The following SPTY2D1 variants were observed in gnomAD, a reference collection of about 807,000 sequenced individuals.
The protein encoded by SPTY2D1 is SPT2 chromatin protein domain containing 1, also known as protein SPT2 homolog.
In SPTY2D1, 21 loss-of-function variants were observed where a neutral mutation model predicts 64.0. That is an observed-to-expected ratio of 0.33 (90% CI 0.23 to 0.47). SPTY2D1 has a LOEUF of 0.47. SPTY2D1 is among the 20% of genes least tolerant of loss of function. The pLI, the probability that SPTY2D1 is intolerant of heterozygous loss-of-function variation, is 1.00. For missense variants in SPTY2D1, 724 were observed against 837.2 expected (o/e 0.86, Z 1.67); for synonymous variants, 287 against 286.8 (o/e 1.00, Z -0.01).
chr11:18,625,388 A>C (rs536191797), intron 1 of SPTY2D1, among the ~76,000 whole-genome samples: 8 of 152,214 alleles, frequency 5.3e-5, no homozygotes, highest in Non-Finnish European at 1.2e-4. Context: ...ATAAAATGTA[A>C]TAATATCAGA....
chr11:18,617,221 A>G (rs1854313268), intron 1 of SPTY2D1, among the ~76,000 whole-genome samples: 1 of 152,202 alleles, frequency 6.6e-6, no homozygotes, highest in South Asian at 2.1e-4. Flanking sequence ...AAAATAATGC[A>G]TAAATGAACA....
Position 18,615,680 on chromosome 11 carries a change from G to A in SPTY2D1, c.594C>T (p.Thr198=), listed in dbSNP as rs746195573. 30 of 1,613,938 alleles carry A rather than the reference G, an allele frequency of 1.9e-5. No homozygotes were observed. Among genetic ancestry groups the A allele is most frequent in the Middle Eastern group, 1.6e-4 (1 of 6,084 alleles). ...ATTCTCGCTCCCTAAGTTCTTCTGC[G>A]GTCATAGGTCGCTCTTCTGATTTCT... The part of the protein sequence containing the change: ...VVKKSEERPM[T]AEELREREFL... The change falls in exon 3 of 6, where the codon ACC becomes ACT. Residue 198 remains threonine (T), a synonymous_variant. Transcript: ENST00000336349.
chr11:18,615,645 C>T lies in SPTY2D1; in HGVS notation c.629G>A (p.Arg210Gln), dbSNP rs754757120. Residue 210 changes from arginine (R) to glutamine (Q), a missense_variant, in exon 3 of 6, where the codon CGA becomes CAA. Arg to Gln is a conservative substitution (Grantham distance 43, BLOSUM62 1). This residue lies in a region of SPTY2D1 where 426 missense variants were observed against 431.8 expected (regional missense o/e 0.99). Coordinates refer to ENST00000336349, the MANE Select transcript of SPTY2D1 (RefSeq NM_194285.3). ...CTCAAGTTTTTTTCTCCTATGCTTT[C>T]GTTCAAGGAATTCTCGCTCCCTAAG... Reference protein sequence around the residue: ...EELREREFLERKHRRKKLETD... With the variant: ...EELREREFLEQKHRRKKLETD... 53 of 1,614,048 alleles carry T rather than the reference C, an allele frequency of 3.3e-5. No homozygotes were observed. Among genetic ancestry groups the T allele is most frequent in the Admixed American group, 1.0e-4 (6 of 60,002 alleles).
At chr11:18,619,456 TAAA>T (rs562811444) in intron 1 of SPTY2D1, among the ~76,000 whole-genome samples, 1 of 114,608 alleles carries the variant, frequency 8.7e-6, no homozygotes, top group Non-Finnish European at 1.8e-5. Context: ...CTCATCTCTT[TAAA>T]AAAAAAAAAA....
In SPTY2D1 at chr11:18,615,916, C is replaced by G; in HGVS notation, c.358G>C (p.Asp120His). ...TCTTCTTCCATTTCATACTCTCGGT[C>G]GGTTCCTTGGCTGGTATGGCTTTCT... ...ATESHTSQGT[D>H]REYEMEEENE... is the part of the protein sequence containing the mutation. The change falls in exon 3 of 6, where the codon GAC becomes CAC. Residue 120 changes from aspartate (D) to histidine (H), a missense_variant. By Grantham distance (81) the Asp-to-His change is moderately conservative (BLOSUM62 -1). Around this residue, in one of 3 missense-constraint regions of SPTY2D1, gnomAD observed 179 missense variants for 232.5 expected, o/e 0.77. Coordinates refer to ENST00000336349, the MANE Select transcript of SPTY2D1 (RefSeq NM_194285.3). The G allele has an allele frequency of 6.2e-7, 1 of 1,614,114 alleles. No individual in the cohort carries two copies. The highest frequency in any genetic ancestry group is 1.1e-5 in the South Asian group (1 of 91,058).
At position 18,633,944 on chromosome 11, in the gene SPTY2D1, C is replaced by T. The variant is rs548368068; in HGVS notation, c.60+254G>A. Among the ~76,000 whole-genome samples the T allele has an allele frequency of 3.3e-5, 5 of 152,362 alleles. No individual in the cohort carries two copies. In the South Asian group the frequency reaches 6.2e-4, roughly 19 times the overall value. ...GGCTTTCACGCAATTCTAGCTACAACACCCAAACCGCAAAGTCCCTGTTGC... is the reference window on the plus strand; with the variant it reads ...GGCTTTCACGCAATTCTAGCTACAATACCCAAACCGCAAAGTCCCTGTTGC... On this transcript the variant is annotated intron_variant, in intron 1 of 5. Coordinates refer to ENST00000336349, the MANE Select transcript of SPTY2D1 (RefSeq NM_194285.3).
intron 1 of SPTY2D1, among the ~76,000 whole-genome samples, chr11:18,624,304 T>C (rs1276291148): frequency 6.6e-6 from 1 of 152,042 alleles, no homozygotes; most frequent in African/African-American, 2.4e-5. Flanking sequence ...CACATGGTCA[T>C]ATTTAGCTCT....
chr11:18,611,526 G>A lies in SPTY2D1; in HGVS notation c.1915C>T (p.Arg639Cys), dbSNP rs1006566820. Residue 639 changes from arginine to cysteine, a missense_variant, in exon 5 of 6, where the codon CGT becomes TGT. Arg to Cys is a radical substitution (Grantham distance 180). This residue lies in a region of SPTY2D1 where 119 missense variants were observed against 172.9 expected (regional missense o/e 0.69). Transcript: ENST00000336349. ...TCTTTCCAACTACTTTCCATGTAAC[G>A]TAAGGCATAATCACTTTCATCTTTG... ...KYKDESDYAL[R>C]YMESSWKEQQ... The A allele has an allele frequency of 5.6e-6, 9 of 1,613,704 alleles. No individual in the cohort carries two copies. The highest frequency in any genetic ancestry group is 5.9e-6 in the Non-Finnish European group (7 of 1,179,954).
intron 2 of SPTY2D1, among the ~76,000 whole-genome samples, chr11:18,616,633 C>T (rs1048184906): frequency 2.6e-5 from 4 of 151,888 alleles, no homozygotes; most frequent in African/African-American, 7.3e-5. Flanking sequence ...GGCTACTAAC[C>T]CCCAAAAAGC....
At position 18,620,697 on chromosome 11, in the gene SPTY2D1, C is replaced by T. The variant is rs566566708; in HGVS notation, c.61-3708G>A. On this transcript the variant is annotated intron_variant, in intron 1 of 5. Coordinates refer to ENST00000336349, the MANE Select transcript of SPTY2D1 (RefSeq NM_194285.3). Reference sequence around the variant, plus strand: ...GTCAGGAGATTGAGACCATCCTGGCCAACACAGTGAAACCCTGTCTCTACT... The same window carrying T: ...GTCAGGAGATTGAGACCATCCTGGCTAACACAGTGAAACCCTGTCTCTACT... 9.9e-5 allele frequency among the ~76,000 whole-genome samples: 15 copies of T among 151,424 alleles called. No individual in the cohort carries two copies. In the South Asian group the frequency reaches 1.0e-3, roughly 11 times the overall value.
In SPTY2D1 at chr11:18,616,115, A is replaced by G; in HGVS notation, c.176-17T>C. Reference sequence around the variant, plus strand: ...CCTCTAAGGCTAAAAGGGACAAAACAAGAATATGTTATTACTTCGAGATCT... The same window carrying G: ...CCTCTAAGGCTAAAAGGGACAAAACGAGAATATGTTATTACTTCGAGATCT... On this transcript the variant is annotated splice_polypyrimidine_tract_variant and intron_variant, in intron 2 of 5. Transcript: ENST00000336349. The G allele has an allele frequency of 5.1e-6, 8 of 1,569,456 alleles. No individual in the cohort carries two copies. The highest frequency in any genetic ancestry group is 6.9e-6 in the Non-Finnish European group (8 of 1,158,936).
chr11:18,617,260 T>C (rs1854313758), intron 1 of SPTY2D1, among the ~76,000 whole-genome samples: 1 of 152,122 alleles, frequency 6.6e-6, no homozygotes, highest in African/African-American at 2.4e-5. Context: ...TTCAGGCTAT[T>C]TTCCAAAAAA....
rs527739869 is a variant in SPTY2D1 at position 18,634,301 on chromosome 11, A to G, written c.-44T>C. The G allele has an allele frequency of 8.1e-6, 13 of 1,608,384 alleles. No individual in the cohort carries two copies. In the African/African-American group the frequency reaches 1.7e-4, roughly 21 times the overall value. Reference sequence around the variant, plus strand: ...AGACTGGGCCAGGCACTCGGAAAGGACTGACAGCGCACCTAACCGAGGCGC... The same window carrying G: ...AGACTGGGCCAGGCACTCGGAAAGGGCTGACAGCGCACCTAACCGAGGCGC... On this transcript the variant is annotated 5_prime_UTR_variant, in exon 1 of 6. Transcript: ENST00000336349.
chr11:18,628,556 C>T (rs1854535388), intron 1 of SPTY2D1, among the ~76,000 whole-genome samples: 1 of 152,216 alleles, frequency 6.6e-6, no homozygotes, highest in Non-Finnish European at 1.5e-5. Context: ...GGCAGAAGAA[C>T]TATCTGGCAC....
intron 1 of SPTY2D1, among the ~76,000 whole-genome samples, chr11:18,629,060 G>A (rs1854543708): frequency 6.6e-6 from 1 of 152,112 alleles, no homozygotes; most frequent in South Asian, 2.1e-4. Context: ...TGGTATACCT[G>A]GTACCACATG....
chr11:18,629,098 T>A (rs1247142946), intron 1 of SPTY2D1, among the ~76,000 whole-genome samples: 1 of 152,220 alleles, frequency 6.6e-6, no homozygotes, highest in Non-Finnish European at 1.5e-5. Flanking sequence ...TTTCGGTTTG[T>A]GGCAGTGGAG....
chr11:18,633,243 A>T (rs140065114), intron 1 of SPTY2D1, among the ~76,000 whole-genome samples: 27 of 152,350 alleles, frequency 1.8e-4, no homozygotes, highest in African/African-American at 5.5e-4. Context: ...CAATATACGA[A>T]TATCTAGGAA....
Position 18,609,765 on chromosome 11 carries a change from T to C in SPTY2D1, c.*96A>G. The C allele has an allele frequency of 1.9e-6, 2 of 1,056,968 alleles. No homozygotes were observed. The highest frequency in any genetic ancestry group is 2.8e-6 in the Non-Finnish European group (2 of 704,394). The allele number at this position is 1,056,968 out of a possible 1,614,324, so 65.5% of individuals were successfully genotyped here. On this transcript the variant is annotated 3_prime_UTR_variant, in exon 6 of 6. Coordinates refer to ENST00000336349, the MANE Select transcript of SPTY2D1 (RefSeq NM_194285.3). ...CATTCCTTCTCCTTGAGTACCCAAG[T>C]ATAAATCTAAAATGATAAGGGGGCT...
chr11:18,625,687 A>G (rs1450381945), intron 1 of SPTY2D1, among the ~76,000 whole-genome samples: 2 of 151,894 alleles, frequency 1.3e-5, no homozygotes, highest in African/African-American at 4.8e-5. Context: ...TAGCTTCCCG[A>G]GTAACTGGGA....
Sources: allele counts gnomAD v4.1 joint callset (sites outside exome capture counted in the v4.1 genomes callset), GRCh38; gene constraint gnomAD v4.1.1; regional missense constraint gnomAD v4.1.1; transcripts MANE v1.5; gene names NCBI Gene and HGNC (gene_info 2026-07-23, HGNC 2026-07-21).